NXPE3: variants seen among roughly 807,000 people sequenced by gnomAD.
NXPE3 encodes the protein NXPE family member 3.
In NXPE3, 26 loss-of-function variants were observed where a neutral mutation model predicts 46.1. The ratio of observed to expected loss-of-function variants is 0.56; its 90% CI spans 0.41 to 0.78. NXPE3 has a LOEUF of 0.78. NXPE3 is among the 30% of genes least tolerant of loss of function. The probability of loss-of-function intolerance (pLI) is 0.00; values close to 1 mark genes in which losing one functional copy is unlikely to be tolerated. For synonymous variants in NXPE3, 272 were observed against 257.9 expected, an observed-to-expected ratio of 1.05 and a Z score of -0.52; for missense variants, 620 against 686.0, an observed-to-expected ratio of 0.90 and a Z score of 1.07.
chr3:101,806,404 T>C lies in NXPE3; in HGVS notation c.849-649T>C, dbSNP rs2290860. On this transcript the variant is annotated intron_variant, in intron 5 of 7. Transcript: ENST00000273347. ...TTTAATGCAGCCCTCCAAAAATATT[T>C]ACTGAGTGTGGACTCTAGACCAGGG... is the stretch of plus-strand genomic sequence containing the variant. 2.6e-5 allele frequency among the ~76,000 whole-genome samples: 4 copies of C among 152,308 alleles called. No homozygotes were observed. In the East Asian group the frequency reaches 5.8e-4, roughly 22 times the overall value.
In NXPE3 at chr3:101,827,594, G is replaced by A. The variant is rs1942550977; in HGVS notation, c.*5640G>A. ...TAAGATGAGGTGAATCTAATGAGAA[G>A]GCAACTCTAATGCCCATCAGGAGAT... On this transcript the variant is annotated 3_prime_UTR_variant, in exon 8 of 8. Transcript: ENST00000273347. Among the ~76,000 whole-genome samples, 1 of 152,104 alleles carries A rather than the reference G, an allele frequency of 6.6e-6. No homozygotes were observed. Among genetic ancestry groups the A allele is most frequent in the Non-Finnish European group, 1.5e-5 (1 of 68,016 alleles).
intron 4 of NXPE3, among the ~76,000 whole-genome samples, chr3:101,800,904 G>C (rs1445209666): frequency 6.6e-6 from 1 of 152,000 alleles, no homozygotes; most frequent in African/African-American, 2.4e-5. Flanking sequence ...GTTGGACTGG[G>C]TGGCTCGAGT....
rs946920144 is a variant in NXPE3 at position 101,785,610 on chromosome 3, T to G, written c.14T>G (p.Phe5Cys). MWTN[F>C]FKLRLFCCLL... The stretch of plus-strand genomic sequence containing the variant: ...CACAGCCAGACAATGTGGACCAATT[T>G]CTTCAAACTACGGCTTTTCTGCTGT... Residue 5 changes from phenylalanine to cysteine, a missense_variant, in exon 4 of 8, where the codon TTC becomes TGC. Transcript: ENST00000273347. 25 of 1,613,962 alleles carry G rather than the reference T, an allele frequency of 1.5e-5. No homozygotes were observed. The highest frequency in any genetic ancestry group is 2.2e-5 in the East Asian group (1 of 44,878).
intron 1 of NXPE3, among the ~76,000 whole-genome samples, chr3:101,780,157 A>G (rs1939726880): frequency 6.6e-6 from 1 of 152,184 alleles, no homozygotes; most frequent in Admixed American, 6.5e-5. Context: ...ACTGTGGTTA[A>G]TTATCATTTG....
chr3:101,819,432 C>T (rs1269735333), intron 7 of NXPE3, among the ~76,000 whole-genome samples: 1 of 152,026 alleles, frequency 6.6e-6, no homozygotes, highest in Non-Finnish European at 1.5e-5. Flanking sequence ...TTTTAATTTG[C>T]GATGCTATCT....
rs746579624 is a variant in NXPE3 at position 101,801,937 on chromosome 3, G to T, written c.796G>T (p.Gly266Cys). ...PCSSRITHFK[G>C]GYLKGLLTAA... is the part of the protein sequence containing the mutation. ...CAGCAGCAGAATTACCCATTTCAAA[G>T]GTGGATACCTGAAAGGTCTCCTAAC... The change falls in exon 5 of 8, where the codon GGT (glycine) becomes TGT (cysteine). Residue 266 changes from glycine to cysteine, a missense_variant. Gly to Cys is a radical substitution (Grantham distance 159). Coordinates refer to ENST00000273347, the MANE Select transcript of NXPE3 (RefSeq NM_145037.4). 1 of 1,613,850 alleles carries T rather than the reference G, an allele frequency of 6.2e-7. No homozygotes were observed. The highest frequency in any genetic ancestry group is 1.1e-5 in the South Asian group (1 of 91,086).
chr3:101,783,062 A>G (rs1373382700), intron 3 of NXPE3, among the ~76,000 whole-genome samples: 1 of 151,456 alleles, frequency 6.6e-6, no homozygotes, highest in African/African-American at 2.4e-5. Context: ...TTTAATATAT[A>G]TCTTTTCTTT....
Position 101,785,533 on chromosome 3 carries a change from A to G in NXPE3, c.-64A>G, listed in dbSNP as rs1282389950. Reference sequence around the variant, plus strand: ...ATCTGCAGCTCAGAAAAGCAAAGACATGGAATTTTAAAGAGTGAAGGTAGC... The same window carrying G: ...ATCTGCAGCTCAGAAAAGCAAAGACGTGGAATTTTAAAGAGTGAAGGTAGC... On this transcript the variant is annotated 5_prime_UTR_variant, in exon 4 of 8. An upstream start codon of the reference 5' UTR is lost. Coordinates refer to ENST00000273347, the MANE Select transcript of NXPE3 (RefSeq NM_145037.4). 2 of 1,421,306 alleles carry G rather than the reference A, an allele frequency of 1.4e-6. No homozygotes were observed. The highest frequency in any genetic ancestry group is 2.0e-6 in the Non-Finnish European group (2 of 1,004,406). 88.0% of individuals were successfully genotyped at this position (1,421,306 alleles called of 1,614,324 possible).
At chr3:101,787,347 C>G (rs1940250640) in intron 4 of NXPE3, among the ~76,000 whole-genome samples, 1 of 152,168 alleles carries the variant, frequency 6.6e-6, no homozygotes, top group African/African-American at 2.4e-5. Context: ...CGCTCTGTTG[C>G]CCAGGCTGGA....
At chr3:101,792,016 T>A (rs1319322741) in intron 4 of NXPE3, among the ~76,000 whole-genome samples, 1 of 152,200 alleles carries the variant, frequency 6.6e-6, no homozygotes, top group African/African-American at 2.4e-5. Flanking sequence ...TGGTTTTGAT[T>A]TGCATTTCTC....
At position 101,827,678 on chromosome 3, in the gene NXPE3, C is replaced by G. The variant is rs1393261339; in HGVS notation, c.*5724C>G. Among the ~76,000 whole-genome samples the G allele has an allele frequency of 1.3e-5, 2 of 152,150 alleles. No individual in the cohort carries two copies. On this transcript the variant is annotated 3_prime_UTR_variant, in exon 8 of 8. Coordinates refer to ENST00000273347, the MANE Select transcript of NXPE3 (RefSeq NM_145037.4). The stretch of plus-strand genomic sequence containing the variant: ...AAAAAGTTTTGTTTGTAGATGTTGC[C>G]TCTGATTCCTCCCTGCGGCTCCAGT...
chr3:101,790,783 AC>A (rs1248684309), intron 4 of NXPE3, among the ~76,000 whole-genome samples: 1 of 151,780 alleles, frequency 6.6e-6, no homozygotes. Context: ...CTTTTTAGAT[AC>A]GGGGTTTCGC....
chr3:101,819,627 A>C (rs1285808594), intron 7 of NXPE3, among the ~76,000 whole-genome samples: 2 of 152,196 alleles, frequency 1.3e-5, no homozygotes, highest in Non-Finnish European at 2.9e-5. Context: ...ATTTTTAAAA[A>C]CATTCATTTT....
chr3:101,821,696 C>T lies in NXPE3; in HGVS notation c.1422C>T (p.Ser474=), dbSNP rs370722332. 11 of 1,614,110 alleles carry T rather than the reference C, an allele frequency of 6.8e-6. No individual in the cohort carries two copies. The African/African-American group carries it at 1.3e-4, about 20-fold the overall frequency. The change falls in exon 8 of 8, where the codon AGC becomes AGT. Residue 474 remains serine (S), a synonymous_variant. Coordinates refer to ENST00000273347, the MANE Select transcript of NXPE3 (RefSeq NM_145037.4). ...RRAVVRLLDR[S]PKTVVVIRTA... ...CAGTGGTTCGGCTCCTCGATCGAAG[C>T]CCAAAGACCGTGGTGGTCATCCGGA...
intron 4 of NXPE3, among the ~76,000 whole-genome samples, chr3:101,788,723 C>T (rs1316164820): frequency 6.6e-6 from 1 of 152,158 alleles, no homozygotes; most frequent in Non-Finnish European, 1.5e-5. Flanking sequence ...TCAAGTGATT[C>T]TCTTGCTTCA....
At chr3:101,803,487 C>T (rs1380809530) in intron 5 of NXPE3, among the ~76,000 whole-genome samples, 1 of 152,162 alleles carries the variant, frequency 6.6e-6, no homozygotes. Flanking sequence ...AAAACCAAAA[C>T]AAAATTTTTC....
At chr3:101,813,141 G>A (rs1386851561) in intron 6 of NXPE3, among the ~76,000 whole-genome samples, 1 of 152,136 alleles carries the variant, frequency 6.6e-6, no homozygotes, top group Non-Finnish European at 1.5e-5. Flanking sequence ...GCTGAGGGCT[G>A]TCCCTCCCTA....
intron 6 of NXPE3, among the ~76,000 whole-genome samples, chr3:101,808,817 G>GTATATATATA (rs1560057482): frequency 3.0e-4 from 2 of 6,668 alleles, no homozygotes; most frequent in African/African-American, 4.7e-4. Context: ...TAATTTTAGA[G>GTATATATATA]GATATATATA....
chr3:101,801,834 G>T lies in NXPE3; in HGVS notation c.693G>T (p.Gly231=). ...CTGAGTGCAACGTGTGTCTTCCTGGGAATCTGCCCCTGTGTAACTTTACAG... is the reference window on the plus strand; with the variant it reads ...CTGAGTGCAACGTGTGTCTTCCTGGTAATCTGCCCCTGTGTAACTTTACAG... ...ETTECNVCLP[G]NLPLCNFTDL... is the part of the protein sequence containing the mutation. The change falls in exon 5 of 8, where the codon GGG becomes GGT. Residue 231 remains glycine (G), a synonymous_variant. Transcript: ENST00000273347. 6.2e-7 allele frequency: 1 copy of T among 1,614,156 alleles called. No individual in the cohort carries two copies. Among genetic ancestry groups the T allele is most frequent in the Non-Finnish European group, 8.5e-7 (1 of 1,180,030 alleles).
Sources: gnomAD v4.1 joint callset for allele counts (sites outside exome capture counted in the v4.1 genomes callset) on GRCh38, gnomAD v4.1.1 for gene constraint, MANE v1.5 for transcripts, NCBI Gene and HGNC (gene_info 2026-07-23, HGNC 2026-07-21) for gene names.